Variants in PDE8B observed in about 807,000 individuals in gnomAD.
PDE8B encodes phosphodiesterase 8B, also known as high affinity cAMP-specific and IBMX-insensitive 3',5'-cyclic phosphodiesterase 8B.
A neutral mutation model predicts 101.3 loss-of-function variants in PDE8B; 26 were observed. The observed-to-expected ratio is 0.26, with a 90% CI of 0.19 to 0.36. The LOEUF (loss-of-function observed/expected upper bound fraction) is 0.36, where lower values mean the gene tolerates loss of function less well. Among genes scored for constraint, PDE8B ranks in the 10% least tolerant of loss-of-function variants. The pLI, the probability that PDE8B is intolerant of heterozygous loss-of-function variation, is 1.00. For synonymous variants in PDE8B, 424 were observed against 429.3 expected (o/e 0.99, Z 0.15); for missense variants, 810 against 1,163.1 (o/e 0.70, Z 4.42).
chr5:77,290,798 C>T (rs977829876), intron 1 of PDE8B: 97 of 1,484,556 alleles, frequency 6.5e-5, no homozygotes, highest in Middle Eastern at 2.0e-4. Flanking sequence ...GTTGGAACAA[C>T]GCCATTGTCA....
chr5:77,210,577 G>T, upstream of PDE8B: 1 of 968,628 alleles, frequency 1.0e-6, no homozygotes, highest in Non-Finnish European at 1.2e-6. This position sits in a 1 kb window ranked among gnomAD's most constrained non-coding sequence, Gnocchi z 4.9. Context: ...GCTGGGCGGC[G>T]GCGGGGGCCG....
intron 4 of PDE8B, among the ~76,000 whole-genome samples, chr5:77,331,059 C>A (rs746080639): frequency 6.6e-6 from 1 of 152,144 alleles, no homozygotes; most frequent in Non-Finnish European, 1.5e-5. Context: ...CAATTGTCTC[C>A]GAATGAACAG....
At chr5:77,285,158 C>T (rs1228589910) in intron 1 of PDE8B, among the ~76,000 whole-genome samples, 1 of 152,162 alleles carries the variant, frequency 6.6e-6, no homozygotes, top group East Asian at 1.9e-4. Context: ...GAAATCTTTT[C>T]CTACCCCGAA....
chr5:77,339,892 T>C (rs1392333970), intron 6 of PDE8B, among the ~76,000 whole-genome samples: 1 of 152,180 alleles, frequency 6.6e-6, no homozygotes, highest in Non-Finnish European at 1.5e-5. Flanking sequence ...AGTCTAATTT[T>C]AAGATTCTAT....
intron 2 of PDE8B, among the ~76,000 whole-genome samples, chr5:77,313,160 A>T (rs1773059971): frequency 6.6e-6 from 1 of 152,240 alleles, no homozygotes; most frequent in South Asian, 2.1e-4. Flanking sequence ...TGCAGAAAAG[A>T]TGTAAACAAG....
At chr5:77,259,755 T>G (rs974444662) in intron 1 of PDE8B, among the ~76,000 whole-genome samples, 5 of 152,220 alleles carry the variant, frequency 3.3e-5, no homozygotes, top group African/African-American at 1.2e-4. Flanking sequence ...TGGGGGTATG[T>G]TTCCCACATC....
intron 10 of PDE8B, among the ~76,000 whole-genome samples, chr5:77,394,721 G>T (rs1790647677): frequency 6.6e-6 from 1 of 152,084 alleles, no homozygotes; most frequent in Non-Finnish European, 1.5e-5. Flanking sequence ...TTCACATAAA[G>T]ACTATTTAAA....
At chr5:77,169,299 G>A in the PDE8B span, among the ~76,000 whole-genome samples, 1 of 152,186 alleles carries the variant, frequency 6.6e-6, no homozygotes, top group South Asian at 2.1e-4. Flanking sequence ...TGGGGGCTGG[G>A]AAACCCCTCT....
At chr5:77,250,787 A>T (rs1341288446) in intron 1 of PDE8B, among the ~76,000 whole-genome samples, 1 of 152,160 alleles carries the variant, frequency 6.6e-6, no homozygotes, top group African/African-American at 2.4e-5. Context: ...GAAGAACAAG[A>T]CATGTTTCCT....
intron 3 of PDE8B, among the ~76,000 whole-genome samples, chr5:77,328,549 C>A (rs1392708180): frequency 6.6e-6 from 1 of 151,792 alleles, no homozygotes; most frequent in African/African-American, 2.4e-5. Flanking sequence ...CAGCTGCCAG[C>A]AAGTGCTTTA....
At chr5:77,151,440 T>C in the PDE8B span, 1 of 152,242 alleles carries the variant, frequency 6.6e-6, no homozygotes, top group African/African-American at 2.4e-5. Flanking sequence ...GAAGCCATGA[T>C]CTTCCTGTCT....
intron 1 of PDE8B, among the ~76,000 whole-genome samples, chr5:77,274,266 A>G (rs1247442887): frequency 6.6e-6 from 1 of 152,214 alleles, no homozygotes; most frequent in Non-Finnish European, 1.5e-5. Context: ...TATTTGCATT[A>G]TAGAGGTAAA....
intron 10 of PDE8B, among the ~76,000 whole-genome samples, chr5:77,373,213 C>G (rs1310266468): frequency 2.0e-5 from 3 of 152,102 alleles, no homozygotes; most frequent in Admixed American, 6.6e-5. Flanking sequence ...TTGTTGCTTT[C>G]TGTTCTTATC....
In PDE8B at chr5:77,408,882, C is replaced by T. The variant is rs1273603617; in HGVS notation, c.1366-11C>T. On this transcript the variant is annotated splice_polypyrimidine_tract_variant and intron_variant, in intron 13 of 21. Coordinates refer to ENST00000264917, the MANE Select transcript of PDE8B (RefSeq NM_003719.5). The stretch of plus-strand genomic sequence containing the variant: ...ATTATCCTCAGATGTATTCTTTCTT[C>T]ACTCCGTTAGGTTATAAATATAATC... 2 of 1,607,890 alleles carry T rather than the reference C, an allele frequency of 1.2e-6. No individual in the cohort carries two copies. Among genetic ancestry groups the T allele is most frequent in the Non-Finnish European group, 1.7e-6 (2 of 1,174,358 alleles).
intron 3 of PDE8B, among the ~76,000 whole-genome samples, chr5:77,327,680 G>A (rs899732577): frequency 6.6e-6 from 1 of 152,168 alleles, no homozygotes; most frequent in Non-Finnish European, 1.5e-5. Context: ...CTTCACCTTA[G>A]CAGGACCTGC....
chr5:77,279,353 G>A (rs1764499277), intron 1 of PDE8B, among the ~76,000 whole-genome samples: 1 of 152,176 alleles, frequency 6.6e-6, no homozygotes, highest in Non-Finnish European at 1.5e-5. Flanking sequence ...TGATGTTCTA[G>A]ATGGTATGTC....
chr5:77,395,716 A>C (rs1402376288), intron 10 of PDE8B, among the ~76,000 whole-genome samples: 1 of 151,828 alleles, frequency 6.6e-6, no homozygotes, highest in Non-Finnish European at 1.5e-5. Flanking sequence ...CCCACGCAAA[A>C]GTCCCTCCTA....
chr5:77,087,969 A>G, the PDE8B span: 1 of 152,318 alleles, frequency 6.6e-6, no homozygotes, highest in African/African-American at 2.4e-5. Flanking sequence ...CGCATGCCTC[A>G]GTTCTGCTCA....
At chr5:77,382,659 A>C (rs778210757) in intron 10 of PDE8B, among the ~76,000 whole-genome samples, 7 of 151,214 alleles carry the variant, frequency 4.6e-5, no homozygotes, top group African/African-American at 1.7e-4. Flanking sequence ...TCATTGTTCA[A>C]CTCCCACTTA....
Sources: allele counts gnomAD v4.1 joint callset (sites outside exome capture counted in the v4.1 genomes callset), GRCh38; gene constraint gnomAD v4.1.1; non-coding constraint Gnocchi (gnomAD v3.1); transcripts MANE v1.5; gene names NCBI Gene and HGNC (gene_info 2026-07-23, HGNC 2026-07-21).